EXOC4: variants seen among roughly 807,000 people sequenced by gnomAD.
EXOC4 encodes exocyst complex component 4.
Under a neutral mutation model 107.2 loss-of-function variants are expected in EXOC4, and 71 were observed. That is an observed-to-expected ratio of 0.66 (90% CI 0.55 to 0.81). The LOEUF is 0.81. Among genes scored for constraint, EXOC4 ranks in the 30% least tolerant of loss-of-function variants. The pLI, the probability that EXOC4 is intolerant of heterozygous loss-of-function variation, is 0.00. For missense variants in EXOC4, 1,108 were observed against 1,189.6 expected (o/e 0.93, Z 1.01); for synonymous variants, 456 against 441.2 (o/e 1.03, Z -0.42).
chr7:133,767,074 A>G (rs1011855390), intron 10 of EXOC4, among the ~76,000 whole-genome samples: 2 of 151,860 alleles, frequency 1.3e-5, no homozygotes, highest in African/African-American at 4.8e-5. Flanking sequence ...TTGCATGCAT[A>G]CTTGCATCTT....
intron 5 of EXOC4, among the ~76,000 whole-genome samples, chr7:133,338,536 T>C (rs1261599790): frequency 1.6e-5 from 2 of 127,882 alleles, no homozygotes; most frequent in Non-Finnish European, 3.1e-5. Context: ...GAGCTTGCAG[T>C]GAGCCGAGAT....
chr7:133,878,993 C>G lies in EXOC4; in HGVS notation c.1735-16606C>G, dbSNP rs138835592. On this transcript the variant is annotated intron_variant, in intron 11 of 17. Coordinates refer to ENST00000253861, the MANE Select transcript of EXOC4 (RefSeq NM_021807.4). ...ACCTGCCTTGGCCTCCCAAAGTGCT[C>G]GGATTACAGGGGTGAGCCACTGCGC... 2.4e-3 allele frequency among the ~76,000 whole-genome samples: 364 copies of G among 152,054 alleles called. 5 individuals are homozygous for G. The highest frequency in any genetic ancestry group is 8.2e-3 in the African/African-American group (340 of 41,496).
chr7:133,926,713 G>A (rs1279350834), intron 13 of EXOC4, among the ~76,000 whole-genome samples: 2 of 152,172 alleles, frequency 1.3e-5, no homozygotes, highest in African/African-American at 4.8e-5. Context: ...AAATTACATA[G>A]ATTTTGGGTA....
At chr7:133,696,770 A>G (rs1794543981) in intron 10 of EXOC4, among the ~76,000 whole-genome samples, 1 of 152,114 alleles carries the variant, frequency 6.6e-6, no homozygotes, top group Admixed American at 6.6e-5. Flanking sequence ...ATTTACCACA[A>G]TTTTATTTAA....
Position 133,253,206 on chromosome 7 carries a change from A to C in EXOC4, c.86+19A>C, listed in dbSNP as rs749509227. ...TGATCAGGTGAGGGAGGCAGGAGGC[A>C]GGGTCTGGGGACTGGGGGCAGCGGC... On this transcript the variant is annotated intron_variant, in intron 1 of 17. Coordinates refer to ENST00000253861, the MANE Select transcript of EXOC4 (RefSeq NM_021807.4). 1.2e-6 allele frequency: 2 copies of C among 1,612,330 alleles called. No homozygotes were observed. Among genetic ancestry groups the C allele is most frequent in the African/African-American group, 1.3e-5 (1 of 74,882 alleles).
rs180835152 is a variant in EXOC4, at chr7:134,030,421, G to A, written c.2687+22586G>A. Among the ~76,000 whole-genome samples the A allele has an allele frequency of 4.0e-3, 615 of 152,300 alleles. 5 individuals are homozygous for A. Among genetic ancestry groups the A allele is most frequent in the African/African-American group, 0.014 (580 of 41,570 alleles). On this transcript the variant is annotated intron_variant, in intron 17 of 17. Coordinates refer to ENST00000253861, the MANE Select transcript of EXOC4 (RefSeq NM_021807.4). The stretch of plus-strand genomic sequence containing the variant: ...CATAGTGGACTTGAAGTACTGATAC[G>A]TGCTACATGCTGCCAAGTCTGTCCT...
chr7:133,653,419 A>C (rs1803210635), intron 10 of EXOC4, among the ~76,000 whole-genome samples: 1 of 152,214 alleles, frequency 6.6e-6, no homozygotes, highest in South Asian at 2.1e-4. Flanking sequence ...GTGTATCAAG[A>C]GTAATTTGTT....
intron 12 of EXOC4, among the ~76,000 whole-genome samples, chr7:133,909,786 A>G (rs781313573): frequency 2.0e-5 from 3 of 152,332 alleles, no homozygotes; most frequent in Admixed American, 6.5e-5. Flanking sequence ...TTCAGTGGGA[A>G]GACATGCAAG....
intron 9 of EXOC4, among the ~76,000 whole-genome samples, chr7:133,571,070 C>G (rs1801013128): frequency 6.6e-6 from 1 of 152,114 alleles, no homozygotes; most frequent in Admixed American, 6.5e-5. Context: ...CTTTAAGTAA[C>G]TTAGAATCTT....
intron 9 of EXOC4, among the ~76,000 whole-genome samples, chr7:133,549,392 C>T (rs564949865): frequency 6.6e-6 from 1 of 152,002 alleles, no homozygotes; most frequent in African/African-American, 2.4e-5. Flanking sequence ...ATTGTTATGT[C>T]TCTGTGAATT....
rs1414153122 is a variant in EXOC4, at chr7:133,584,583, T to TG, written c.1418-45462_1418-45461insG. ...TTTTTTACGTATTTCAGTTTTTTTTTTGTTTTTTTTTTTGAGACAGAGTCT... is the reference window on the plus strand; with the variant it reads ...TTTTTTACGTATTTCAGTTTTTTTTTGTGTTTTTTTTTTTGAGACAGAGTCT... On this transcript the variant is annotated intron_variant, in intron 9 of 17. Transcript: ENST00000253861. Among the ~76,000 whole-genome samples, 21 of 137,434 alleles carry TG rather than the reference T, an allele frequency of 1.5e-4. 1 individual carries two copies. Among genetic ancestry groups the TG allele is most frequent in the African/African-American group, 5.4e-4 (20 of 37,236 alleles). The allele number at this position is 137,434 out of a possible 152,430, so 90.2% of individuals were successfully genotyped here.
At chr7:133,526,976 C>T (rs1314636159) in intron 9 of EXOC4, among the ~76,000 whole-genome samples, 1 of 144,752 alleles carries the variant, frequency 6.9e-6, no homozygotes, top group Non-Finnish European at 1.5e-5. Flanking sequence ...GTCTCAAAAA[C>T]AAAAACAAAA....
intron 10 of EXOC4, among the ~76,000 whole-genome samples, chr7:133,759,957 G>C (rs1355603810): frequency 6.6e-6 from 1 of 152,310 alleles, no homozygotes; most frequent in African/African-American, 2.4e-5. Flanking sequence ...AGAAGGAACA[G>C]TGTGCAGGTG....
At chr7:133,764,874 C>G (rs1014103860) in intron 10 of EXOC4, among the ~76,000 whole-genome samples, 7 of 151,900 alleles carry the variant, frequency 4.6e-5, no homozygotes, top group African/African-American at 1.5e-4. Context: ...GGAGCAAATT[C>G]AAAATACAAA....
intron 7 of EXOC4, among the ~76,000 whole-genome samples, chr7:133,419,316 A>G (rs1797549806): frequency 6.6e-6 from 1 of 152,170 alleles, no homozygotes; most frequent in African/African-American, 2.4e-5. Context: ...AAGGAGACTC[A>G]TGGTATGGAA....
intron 7 of EXOC4, among the ~76,000 whole-genome samples, chr7:133,387,408 T>A (rs531519303): frequency 3.9e-5 from 6 of 152,196 alleles, no homozygotes; most frequent in Non-Finnish European, 8.8e-5. Flanking sequence ...GTGCTCTAAC[T>A]GATCTCCATT....
chr7:133,941,596 T>G (rs1190909002), intron 14 of EXOC4, among the ~76,000 whole-genome samples: 1 of 152,188 alleles, frequency 6.6e-6, no homozygotes, highest in Non-Finnish European at 1.5e-5. Context: ...ACTCTTGCAT[T>G]TCCCCTACCA....
In EXOC4 at chr7:133,774,974, C is replaced by G. The variant is rs552319639; in HGVS notation, c.1515-42351C>G. Among the ~76,000 whole-genome samples the G allele has an allele frequency of 5.1e-4, 77 of 151,960 alleles. 1 individual carries two copies. Among genetic ancestry groups the G allele is most frequent in the Non-Finnish European group, 8.4e-4 (57 of 68,002 alleles). On this transcript the variant is annotated intron_variant, in intron 10 of 17. Coordinates refer to ENST00000253861, the MANE Select transcript of EXOC4 (RefSeq NM_021807.4). ...CTAACCTGACGAAAGTCTATTCTCT[C>G]TAGCAGTGGCCCAGATGTAGGGCAG...
intron 17 of EXOC4, among the ~76,000 whole-genome samples, chr7:134,031,911 T>C (rs1374362977): frequency 6.6e-6 from 1 of 152,192 alleles, no homozygotes; most frequent in Admixed American, 6.5e-5. Context: ...GTTTGTAAAG[T>C]CCTGGTTTAA....
Sources: gnomAD v4.1 joint callset for allele counts (sites outside exome capture counted in the v4.1 genomes callset) on GRCh38, gnomAD v4.1.1 for gene constraint, MANE v1.5 for transcripts, NCBI Gene and HGNC (gene_info 2026-07-23, HGNC 2026-07-21) for gene names.